Variants in MYH14 observed in about 807,000 individuals in gnomAD.
MYH14 encodes the protein myosin heavy chain 14.
MYH14 carries 123 observed loss-of-function variants against 255.5 expected under a neutral mutation model. The observed-to-expected ratio is 0.48, with a 90% CI of 0.42 to 0.56. The LOEUF (loss-of-function observed/expected upper bound fraction) is 0.56, where lower values mean the gene tolerates loss of function less well. Among genes scored for constraint, MYH14 ranks in the 20% least tolerant of loss-of-function variants. The pLI is 0.00. For synonymous variants in MYH14, 1,095 were observed against 1,161.2 expected (o/e 0.94, Z 1.16); for missense variants, 2,423 against 2,802.3 (o/e 0.86, Z 3.06).
chr19:50,225,442 A>G (rs1248921040), intron 6 of MYH14, 143 bp from the exon 7 acceptor site: 26 of 615,840 alleles, frequency 4.2e-5, no homozygotes, highest in Non-Finnish European at 7.5e-5. Flanking sequence ...AGACCCGGAT[A>G]TGGGAAGTGG....
chr19:50,224,209 T>C (rs1424052408), intron 6 of MYH14, 32 bp downstream of exon 6: 4 of 1,613,808 alleles, frequency 2.5e-6, no homozygotes, highest in Non-Finnish European at 3.4e-6. Context: ...CGAGTCTTGC[T>C]GCCCCTAATG....
intron 5 of MYH14, 30 bp from the exon 6 acceptor site, chr19:50,224,124 T>G (rs2032982914): frequency 1.9e-6 from 3 of 1,545,026 alleles, no homozygotes; most frequent in Non-Finnish European, 2.6e-6. Context: ...TGTGTCCTGG[T>G]CCGTGTCTCG....
chr19:50,223,893 A>C (rs902783785), intron 5 of MYH14, among the ~76,000 whole-genome samples: 1 of 152,154 alleles, frequency 6.6e-6, no homozygotes, highest in African/African-American at 2.4e-5. Flanking sequence ...GGATCGCTTG[A>C]GCCCAGGAAT....
chr19:50,299,446 C>T (rs909049550), intron 39 of MYH14, among the ~76,000 whole-genome samples: 48 of 151,464 alleles, frequency 3.2e-4, no homozygotes, highest in African/African-American at 1.1e-3. Flanking sequence ...TGGTGTGTGC[C>T]TGTAGTCCCA....
At chr19:50,281,161 C>G (rs930539558) in intron 32 of MYH14, among the ~76,000 whole-genome samples, 2 of 152,188 alleles carry the variant, frequency 1.3e-5, no homozygotes, top group African/African-American at 4.8e-5. Context: ...CTGCAGATAT[C>G]CTTCAACTGG....
At chr19:50,256,279 AAAAC>A (rs973341924) in intron 17 of MYH14, among the ~76,000 whole-genome samples, 13 of 152,278 alleles carry the variant, frequency 8.5e-5, no homozygotes, top group African/African-American at 1.9e-4. Flanking sequence ...TGTGTCTCAG[AAAAC>A]AAACAAACAA....
chr19:50,224,324 G>A (rs114946508), intron 6 of MYH14, 147 bp downstream of exon 6: 31 of 1,086,622 alleles, frequency 2.9e-5, no homozygotes, highest in South Asian at 2.4e-4. Context: ...TATTCATGGC[G>A]GCCCTGCTGT....
intron 11 of MYH14, among the ~76,000 whole-genome samples, chr19:50,245,309 C>A (rs1346862557): frequency 2.0e-5 from 3 of 151,114 alleles, no homozygotes; most frequent in Non-Finnish European, 4.4e-5. Flanking sequence ...GTCCCAGCTG[C>A]TCAGGAGGCT....
intron 15 of MYH14, among the ~76,000 whole-genome samples, chr19:50,251,437 C>A (rs990835906): frequency 1.1e-4 from 16 of 147,208 alleles, no homozygotes; most frequent in African/African-American, 3.9e-4. Context: ...ACTATGAAGA[C>A]ATAAATGAAG....
intron 2 of MYH14, 78 bp from the exon 3 acceptor site, chr19:50,217,537 G>A (rs748988024): frequency 2.2e-4 from 343 of 1,553,168 alleles, no homozygotes; most frequent in Non-Finnish European, 2.9e-4. Context: ...TGCAGTGCAC[G>A]GCCTGCTCAG....
intron 39 of MYH14, among the ~76,000 whole-genome samples, chr19:50,296,499 C>T (rs1184745754): frequency 6.6e-6 from 1 of 152,064 alleles, no homozygotes; most frequent in Non-Finnish European, 1.5e-5. Context: ...CCCAGCTACT[C>T]TGAGGGCTGA....
intron 7 of MYH14, 37 bp from the exon 8 acceptor site, chr19:50,226,866 C>A (rs750684989): frequency 1.2e-6 from 2 of 1,606,930 alleles, no homozygotes; most frequent in Non-Finnish European, 1.7e-6. Context: ...GGGAAGGGGA[C>A]CCTCTGCTGA....
rs2035070711 is a variant in MYH14, at chr19:50,266,048, T to C, written c.2695-829T>C. 6.6e-6 allele frequency among the ~76,000 whole-genome samples: 1 copy of C among 152,018 alleles called. No individual in the cohort carries two copies. Among genetic ancestry groups the C allele is most frequent in the Non-Finnish European group, 1.5e-5 (1 of 68,000 alleles). On this transcript the variant is annotated intron_variant, in intron 22 of 42. Transcript: ENST00000642316. The surrounding 1 kb of genome is among the most constrained non-coding windows in gnomAD (Gnocchi z 4.1). ...GCAGAAAAGGAGAGAATAGAAGGGA[T>C]ACAGAATTGGGTGGAGAGGAAAAGA...
At chr19:50,267,242 T>A (rs1303915725) in intron 23 of MYH14, among the ~76,000 whole-genome samples, 1 of 145,060 alleles carries the variant, frequency 6.9e-6, no homozygotes, top group Non-Finnish European at 1.5e-5. Flanking sequence ...GTAGCCAGGG[T>A]ATGGGCCGGG....
rs1454002717 is a variant in MYH14 at position 50,280,007 on chromosome 19, G to A, written c.4033-30G>A. 1 of 1,532,490 alleles carries A rather than the reference G, an allele frequency of 6.5e-7. No homozygotes were observed. The highest frequency in any genetic ancestry group is 1.2e-5 in the South Asian group (1 of 85,576). 94.9% of individuals were successfully genotyped at this position (1,532,490 alleles called of 1,614,324 possible). ...GGTCACTGGGTGGAAGCCACGATTG[G>A]AGGGCTTCATTCCCGTCCCTTCCCT... On this transcript the variant is annotated intron_variant, in intron 30 of 42. Coordinates refer to ENST00000642316, the MANE Select transcript of MYH14 (RefSeq NM_001145809.2). This position sits in a 1 kb window ranked among gnomAD's most constrained non-coding sequence, Gnocchi z 4.8.
At position 50,230,403 on chromosome 19, in the gene MYH14, G is replaced by A. The variant is rs1244689495; in HGVS notation, c.875-122G>A. ...AGTGGCAAAGTCACCAGCCTGGGCT[G>A]TGAGCGACTCCACTACACCACAGGA... On this transcript the variant is annotated intron_variant, in intron 8 of 42. Coordinates refer to ENST00000642316, the MANE Select transcript of MYH14 (RefSeq NM_001145809.2). This position sits in a 1 kb window ranked among gnomAD's most constrained non-coding sequence, Gnocchi z 4.7. The A allele has an allele frequency of 1.7e-5, 14 of 843,654 alleles. No homozygotes were observed. Among genetic ancestry groups the A allele is most frequent in the African/African-American group, 3.4e-5 (2 of 59,568 alleles). The allele number at this position is 843,654 out of a possible 1,614,324, so 52.3% of individuals were successfully genotyped here.
intron 3 of MYH14, among the ~76,000 whole-genome samples, chr19:50,218,429 T>C (rs931219845): frequency 1.3e-5 from 2 of 151,888 alleles, no homozygotes; most frequent in Non-Finnish European, 2.9e-5. Context: ...ACCCCGTCTC[T>C]ACTAAAAATA....
In MYH14 at chr19:50,207,745, C is replaced by T. The variant is rs117868842; in HGVS notation, c.-3-2618C>T. ...GGCGTGACCAGAGGTGGTCAGGGAA[C>T]CTGAATGACAAAAATCAGGTCAATT... On this transcript the variant is annotated intron_variant, in intron 1 of 42. Coordinates refer to ENST00000642316, the MANE Select transcript of MYH14 (RefSeq NM_001145809.2). Among the ~76,000 whole-genome samples the T allele has an allele frequency of 2.0e-3, 306 of 152,314 alleles. 9 individuals are homozygous for T. In the East Asian group the frequency reaches 0.041, roughly 21 times the overall value.
chr19:50,227,228 C>T (rs976235384), intron 8 of MYH14, among the ~76,000 whole-genome samples: 15 of 152,164 alleles, frequency 9.9e-5, no homozygotes, highest in African/African-American at 3.4e-4. Flanking sequence ...TGCAGTGGCA[C>T]TCATGGTGAC....
Sources: gnomAD v4.1 joint callset for allele counts (sites outside exome capture counted in the v4.1 genomes callset) on GRCh38, gnomAD v4.1.1 for gene constraint, Gnocchi (gnomAD v3.1) non-coding constraint, MANE v1.5 for transcripts, NCBI Gene and HGNC (gene_info 2026-07-23, HGNC 2026-07-21) for gene names.